ZSWIM6: variants seen among roughly 807,000 people sequenced by gnomAD.
ZSWIM6 encodes the protein zinc finger SWIM domain-containing protein 6.
A neutral mutation model predicts 113.2 loss-of-function variants in ZSWIM6; 9 were observed. The ratio of observed to expected loss-of-function variants is 0.08; its 90% CI spans 0.05 to 0.14. The LOEUF is 0.14. Ranked by LOEUF, ZSWIM6 falls within the 10% of genes least tolerant of loss-of-function variation. The pLI, the probability that ZSWIM6 is intolerant of heterozygous loss-of-function variation, is 1.00. For missense variants in ZSWIM6, 1,162 were observed against 1,552.2 expected (o/e 0.75, Z 4.22); for synonymous variants, 611 against 606.5 (o/e 1.01, Z -0.11).
chr5:61,485,099 C>T (rs1747980942), intron 2 of ZSWIM6, among the ~76,000 whole-genome samples: 1 of 152,100 alleles, frequency 6.6e-6, no homozygotes, highest in Admixed American at 6.5e-5. Flanking sequence ...TTCCCCCTTC[C>T]TCGCAGTACT....
intron 1 of ZSWIM6, among the ~76,000 whole-genome samples, chr5:61,367,040 A>G (rs992503448): frequency 3.3e-5 from 5 of 152,178 alleles, no homozygotes; most frequent in African/African-American, 1.2e-4. Flanking sequence ...TTAAAAAGAA[A>G]GAAGACTTAA....
intron 2 of ZSWIM6, among the ~76,000 whole-genome samples, chr5:61,476,235 A>G (rs1561253277): frequency 1.3e-5 from 2 of 152,110 alleles, no homozygotes; most frequent in African/African-American, 2.4e-5. Flanking sequence ...TAAAGATTTT[A>G]TCCTGGGGAA....
At chr5:61,475,721 C>T (rs1450672502) in intron 2 of ZSWIM6, among the ~76,000 whole-genome samples, 1 of 152,106 alleles carries the variant, frequency 6.6e-6, no homozygotes, top group Non-Finnish European at 1.5e-5. Context: ...GCCACGGTGA[C>T]CTTAAGTGAT....
chr5:61,387,634 C>T (rs1337974753), intron 1 of ZSWIM6, among the ~76,000 whole-genome samples: 1 of 151,824 alleles, frequency 6.6e-6, no homozygotes, highest in Non-Finnish European at 1.5e-5. Context: ...AGGTTGGGCA[C>T]AGTGGCTCAT....
chr5:61,437,777 A>C (rs1746741118), intron 1 of ZSWIM6, among the ~76,000 whole-genome samples: 2 of 151,834 alleles, frequency 1.3e-5, no homozygotes, highest in South Asian at 2.1e-4. Context: ...ATGAGTGTTC[A>C]CTAACAAATG....
chr5:61,425,271 GGT>G (rs1379473480), intron 1 of ZSWIM6, among the ~76,000 whole-genome samples: 1 of 152,138 alleles, frequency 6.6e-6, no homozygotes, highest in African/African-American at 2.4e-5. Flanking sequence ...TGGAGAAAAA[GGT>G]GTATATTCAT....
chr5:61,391,674 C>T (rs923315907), intron 1 of ZSWIM6: 16 of 1,052,846 alleles, frequency 1.5e-5, no homozygotes, highest in Non-Finnish European at 2.4e-5. Context: ...TCTTGTTCAC[C>T]TTGGATCCTG....
intron 4 of ZSWIM6, among the ~76,000 whole-genome samples, chr5:61,499,560 G>A (rs1007009363): frequency 1.3e-5 from 2 of 152,112 alleles, no homozygotes; most frequent in Non-Finnish European, 2.9e-5. Flanking sequence ...TTAGTACAAA[G>A]GTTTATAGAA....
chr5:61,395,184 C>CT (rs1471913915), intron 1 of ZSWIM6, among the ~76,000 whole-genome samples: 4 of 152,036 alleles, frequency 2.6e-5, no homozygotes, highest in African/African-American at 9.7e-5. Flanking sequence ...CAGAAAGAAT[C>CT]TTTTAATAAA....
At chr5:61,491,489 A>T (rs1163504114) in intron 3 of ZSWIM6, among the ~76,000 whole-genome samples, 1 of 151,942 alleles carries the variant, frequency 6.6e-6, no homozygotes, top group Non-Finnish European at 1.5e-5. Flanking sequence ...ATCTCCTAAA[A>T]CTGTTGTGAT....
Position 61,535,606 on chromosome 5 carries a change from C to T in ZSWIM6, c.2368C>T (p.Leu790=). The T allele has an allele frequency of 6.4e-7, 1 of 1,551,216 alleles. No homozygotes were observed. The highest frequency in any genetic ancestry group is 1.2e-5 in the South Asian group (1 of 84,056). The change falls in exon 10 of 14, where the codon CTG becomes TTG. Residue 790 remains leucine, a synonymous_variant. Coordinates refer to ENST00000252744, the MANE Select transcript of ZSWIM6 (RefSeq NM_020928.2). ...HDAELAYKIA[L]RAMRLLVLES... Reference sequence around the variant, plus strand: ...TGCTGAATTGGCATACAAAATTGCACTGAGAGCAATGCGGTATGTATTCAC... The same window carrying T: ...TGCTGAATTGGCATACAAAATTGCATTGAGAGCAATGCGGTATGTATTCAC...
chr5:61,459,490 CT>C (rs1406314912), intron 1 of ZSWIM6, among the ~76,000 whole-genome samples: 1 of 152,182 alleles, frequency 6.6e-6, no homozygotes, highest in Non-Finnish European at 1.5e-5. Context: ...AAAAGTCACA[CT>C]TTAATCAAGG....
At chr5:61,520,252 C>T (rs943490382) in intron 4 of ZSWIM6, among the ~76,000 whole-genome samples, 5 of 152,184 alleles carry the variant, frequency 3.3e-5, no homozygotes, top group African/African-American at 1.2e-4. Flanking sequence ...CATAAACAGA[C>T]ATGCACACAT....
At chr5:61,366,927 C>CAAAAAAA (rs34423967) in intron 1 of ZSWIM6, among the ~76,000 whole-genome samples, 1 of 86,140 alleles carries the variant, frequency 1.2e-5, no homozygotes, top group Non-Finnish European at 2.3e-5. Context: ...TCTGCTGTCT[C>CAAAAAAA]AAAAAAAAAA....
At chr5:61,528,093 C>T (rs1387568077) in intron 7 of ZSWIM6, among the ~76,000 whole-genome samples, 1 of 151,948 alleles carries the variant, frequency 6.6e-6, no homozygotes, top group Non-Finnish European at 1.5e-5. Flanking sequence ...TATGTCTTTC[C>T]CTACTTTATT....
intron 1 of ZSWIM6, among the ~76,000 whole-genome samples, chr5:61,450,834 A>G (rs1747072111): frequency 6.6e-6 from 1 of 152,186 alleles, no homozygotes; most frequent in Non-Finnish European, 1.5e-5. Flanking sequence ...GAGTATAGGG[A>G]AGAGGAACCC....
intron 1 of ZSWIM6, among the ~76,000 whole-genome samples, chr5:61,350,360 A>G (rs1380497545): frequency 2.0e-5 from 3 of 152,164 alleles, no homozygotes; most frequent in Non-Finnish European, 1.5e-5. Flanking sequence ...GTGTATAGGG[A>G]GAGAGTAAGA....
At chr5:61,391,224 C>A in intron 1 of ZSWIM6, 1 of 899,344 alleles carries the variant, frequency 1.1e-6, no homozygotes. Flanking sequence ...TGACGTCGAT[C>A]ATCTTGTCCT....
intron 1 of ZSWIM6, among the ~76,000 whole-genome samples, chr5:61,384,023 T>C (rs1334533738): frequency 1.3e-5 from 2 of 148,296 alleles, no homozygotes; most frequent in Non-Finnish European, 3.0e-5. Context: ...AGGTGGATCA[T>C]GAGGTCAGGA....
Sources: allele counts gnomAD v4.1 joint callset (sites outside exome capture counted in the v4.1 genomes callset), GRCh38; gene constraint gnomAD v4.1.1; transcripts MANE v1.5; gene names NCBI Gene and HGNC (gene_info 2026-07-23, HGNC 2026-07-21).